GPR158: variants seen among roughly 807,000 people sequenced by gnomAD.
GPR158 encodes G protein-coupled receptor 158, also known as metabotropic glycine receptor.
Under a neutral mutation model 78.2 loss-of-function variants are expected in GPR158, and 30 were observed. The observed-to-expected ratio is 0.38, with a 90% CI of 0.29 to 0.52. GPR158 has a LOEUF of 0.52. Among genes scored for constraint, GPR158 ranks in the 20% least tolerant of loss-of-function variants. The probability of loss-of-function intolerance (pLI) is 0.83; values close to 1 mark genes in which losing one functional copy is unlikely to be tolerated. For synonymous variants in GPR158, 581 were observed against 591.1 expected, an observed-to-expected ratio of 0.98 and a Z score of 0.25; for missense variants, 1,463 against 1,523.5, an observed-to-expected ratio of 0.96 and a Z score of 0.66.
At chr10:25,391,650 T>C (rs1834299681) in intron 2 of GPR158, among the ~76,000 whole-genome samples, 1 of 152,184 alleles carries the variant, frequency 6.6e-6, no homozygotes, top group Non-Finnish European at 1.5e-5. Context: ...TTGTTTTTGA[T>C]CTTATAGGTT....
At chr10:25,369,348 A>T (rs1202328139) in intron 2 of GPR158, among the ~76,000 whole-genome samples, 1 of 150,028 alleles carries the variant, frequency 6.7e-6, no homozygotes, top group Non-Finnish European at 1.5e-5. Flanking sequence ...TCCCATCAAT[A>T]GCTAATTTAT....
intron 4 of GPR158, among the ~76,000 whole-genome samples, chr10:25,450,369 T>C (rs1052008596): frequency 2.5e-5 from 3 of 118,572 alleles, no homozygotes; most frequent in African/African-American, 1.0e-4. Context: ...CCTTCTTTTT[T>C]CCTTTTTCAC....
At chr10:25,361,248 G>C (rs1024365761) in intron 2 of GPR158, among the ~76,000 whole-genome samples, 1 of 151,766 alleles carries the variant, frequency 6.6e-6, no homozygotes, top group Non-Finnish European at 1.5e-5. Context: ...CAACTATGTT[G>C]TGGCATATGA....
rs111919496 is a variant in GPR158, at chr10:25,193,885, T to TAA, written c.902+17579_902+17580dup. ...CTGAAATATTTGAAAGGTAAAGGGG[T>TAA]AAAAAAAAAAAAAAAAAGAAAATTC... On this transcript the variant is annotated intron_variant, in intron 1 of 10. Coordinates refer to ENST00000376351, the MANE Select transcript of GPR158 (RefSeq NM_020752.3). Among the ~76,000 whole-genome samples, 357 of 115,670 alleles carry TAA rather than the reference T, an allele frequency of 3.1e-3. 3 individuals carry two copies. The highest frequency in any genetic ancestry group is 6.1e-3 in the African/African-American group (214 of 34,984). 75.9% of individuals were successfully genotyped at this position (115,670 alleles called of 152,430 possible). A position where few individuals can be genotyped will look rare whatever the true frequency, so the allele number is the denominator to read the frequency against.
intron 2 of GPR158, among the ~76,000 whole-genome samples, chr10:25,366,788 C>T (rs1564434368): frequency 6.6e-6 from 1 of 151,478 alleles, no homozygotes; most frequent in Non-Finnish European, 1.5e-5. Flanking sequence ...GAATTTGACA[C>T]TTTTAGATTG....
intron 9 of GPR158, among the ~76,000 whole-genome samples, chr10:25,595,894 A>G (rs1315841110): frequency 6.6e-6 from 1 of 152,202 alleles, no homozygotes; most frequent in Non-Finnish European, 1.5e-5. Flanking sequence ...ATGTGTGTGA[A>G]TTCTATCTCA....
chr10:25,243,788 A>G (rs1272745309), intron 2 of GPR158, among the ~76,000 whole-genome samples: 4 of 152,322 alleles, frequency 2.6e-5, no homozygotes, highest in South Asian at 2.1e-4. Flanking sequence ...TGAGTAATCA[A>G]TAGAATTGCA....
At chr10:25,452,712 A>G (rs1036991576) in intron 4 of GPR158, among the ~76,000 whole-genome samples, 1 of 152,222 alleles carries the variant, frequency 6.6e-6, no homozygotes, top group Non-Finnish European at 1.5e-5. Flanking sequence ...TTAATTGACA[A>G]AGATGGTATA....
intron 1 of GPR158, among the ~76,000 whole-genome samples, chr10:25,213,880 T>C (rs1179575052): frequency 6.6e-6 from 1 of 152,166 alleles, no homozygotes; most frequent in Non-Finnish European, 1.5e-5. Flanking sequence ...TAGAGAGCAA[T>C]TTATCCTAAT....
At chr10:25,575,792 C>T (rs866705629) in intron 7 of GPR158, among the ~76,000 whole-genome samples, 2 of 151,934 alleles carry the variant, frequency 1.3e-5, no homozygotes, top group East Asian at 1.9e-4. Context: ...ATGACTTCTA[C>T]TTGAAAAAAA....
intron 5 of GPR158, among the ~76,000 whole-genome samples, chr10:25,525,008 T>C (rs534066419): frequency 2.0e-5 from 3 of 152,164 alleles, no homozygotes; most frequent in Non-Finnish European, 2.9e-5. Flanking sequence ...CCAATAAGCA[T>C]ATGAAAAGAT....
At chr10:25,383,650 ATAT>A (rs1176828261) in intron 2 of GPR158, among the ~76,000 whole-genome samples, 3 of 152,172 alleles carry the variant, frequency 2.0e-5, no homozygotes, top group African/African-American at 7.2e-5. Flanking sequence ...TTCTTAAAGT[ATAT>A]TTCATATGTA....
At chr10:25,384,328 G>A (rs1307921153) in intron 2 of GPR158, among the ~76,000 whole-genome samples, 1 of 152,144 alleles carries the variant, frequency 6.6e-6, no homozygotes, top group Non-Finnish European at 1.5e-5. Flanking sequence ...GCTATTTAAT[G>A]TGTGAGAAAA....
chr10:25,451,064 A>C (rs1346006610), intron 4 of GPR158, among the ~76,000 whole-genome samples: 2 of 152,168 alleles, frequency 1.3e-5, no homozygotes, highest in Non-Finnish European at 2.9e-5. Flanking sequence ...GGATATTCCA[A>C]CTGTTTCAAC....
intron 5 of GPR158, among the ~76,000 whole-genome samples, chr10:25,522,384 G>A (rs1251056354): frequency 2.0e-5 from 3 of 152,150 alleles, no homozygotes; most frequent in Non-Finnish European, 4.4e-5. Flanking sequence ...CAAGGAAATT[G>A]TAGGCTTACT....
chr10:25,273,880 A>T (rs1343007705), intron 2 of GPR158, among the ~76,000 whole-genome samples: 1 of 151,474 alleles, frequency 6.6e-6, no homozygotes, highest in East Asian at 1.9e-4. Flanking sequence ...GGGTTTTGTC[A>T]TGTTGCCCAG....
chr10:25,471,202 T>G lies in GPR158; in HGVS notation c.1404+4483T>G, dbSNP rs148833783. Among the ~76,000 whole-genome samples, 298 of 148,676 alleles carry G rather than the reference T, an allele frequency of 2.0e-3. 2 individuals are homozygous for G. Among genetic ancestry groups the G allele is most frequent in the African/African-American group, 7.0e-3 (286 of 40,602 alleles). ...CAATTCCCACCTGTGAGTGAGAACA[T>G]GTGGTGTTTGGTTTTTTGTCCTTGT... On this transcript the variant is annotated intron_variant, in intron 5 of 10. Coordinates refer to ENST00000376351, the MANE Select transcript of GPR158 (RefSeq NM_020752.3).
At chr10:25,405,469 T>G (rs1036501709) in intron 3 of GPR158, among the ~76,000 whole-genome samples, 2 of 150,696 alleles carry the variant, frequency 1.3e-5, no homozygotes, top group African/African-American at 4.9e-5. Context: ...TAGTTGAATT[T>G]GGCAAAATCT....
chr10:25,439,200 T>C lies in GPR158; in HGVS notation c.1335+26727T>C, dbSNP rs192731719. 1.3e-4 allele frequency among the ~76,000 whole-genome samples: 20 copies of C among 152,292 alleles called. No homozygotes were observed. In the East Asian group the frequency reaches 3.5e-3, roughly 26 times the overall value. On this transcript the variant is annotated intron_variant, in intron 4 of 10. Coordinates refer to ENST00000376351, the MANE Select transcript of GPR158 (RefSeq NM_020752.3). The stretch of plus-strand genomic sequence containing the variant: ...TTAATAGACTCACAGTTCCACATGG[T>C]TGGGGAGGCCTCACAATCATGGTGG...
Sources: allele counts gnomAD v4.1 joint callset (sites outside exome capture counted in the v4.1 genomes callset), GRCh38; gene constraint gnomAD v4.1.1; transcripts MANE v1.5; gene names NCBI Gene and HGNC (gene_info 2026-07-23, HGNC 2026-07-21).